GABRR3: variants seen among roughly 807,000 people sequenced by gnomAD.
GABRR3 encodes the protein gamma-aminobutyric acid receptor subunit rho-3.
Under a neutral mutation model 43.2 loss-of-function variants are expected in GABRR3, and 29 were observed. The ratio of observed to expected loss-of-function variants is 0.67; its 90% confidence interval spans 0.50 to 0.92. The LOEUF is 0.92. GABRR3 is among the 40% of genes least tolerant of loss of function. GABRR3 has a pLI of 0.00. For synonymous variants in GABRR3, 206 were observed against 195.9 expected, an observed-to-expected ratio of 1.05 and a Z score of -0.43; for missense variants, 576 against 572.3, an observed-to-expected ratio of 1.01 and a Z score of -0.07.
At chr3:98,022,420 A>C (rs1052040294) in intron 3 of GABRR3, among the ~76,000 whole-genome samples, 5 of 152,252 alleles carry the variant, frequency 3.3e-5, no homozygotes, top group Non-Finnish European at 5.9e-5. Context: ...AAGGCAAGAG[A>C]AGTGCTGAAG....
At chr3:98,032,488 G>T (rs1482952387) in intron 2 of GABRR3, among the ~76,000 whole-genome samples, 1 of 152,090 alleles carries the variant, frequency 6.6e-6, no homozygotes, top group East Asian at 1.9e-4. Context: ...TTGAAAGAAT[G>T]AATAAATATT....
At chr3:98,027,636 A>G (rs1211055088) in intron 2 of GABRR3, among the ~76,000 whole-genome samples, 1 of 152,262 alleles carries the variant, frequency 6.6e-6, no homozygotes, top group Admixed American at 6.5e-5. Context: ...TCAGGTGCAC[A>G]ATGAGATGTT....
chr3:98,015,109 T>C (rs559929489), intron 4 of GABRR3, among the ~76,000 whole-genome samples: 70 of 152,284 alleles, frequency 4.6e-4, no homozygotes, highest in African/African-American at 1.5e-3. Flanking sequence ...AATGAGTGGA[T>C]TGGATAAACA....
chr3:97,998,966 A>G (rs1277763233), intron 8 of GABRR3: 3 of 152,118 alleles, frequency 2.0e-5, no homozygotes, highest in Non-Finnish European at 4.4e-5. Context: ...AAAGCTCTCT[A>G]GTGTCCTCAT....
intron 8 of GABRR3, chr3:97,998,604 G>A (rs1706591940): frequency 6.6e-6 from 1 of 152,058 alleles, no homozygotes; most frequent in South Asian, 2.1e-4. Flanking sequence ...ACAATTATCT[G>A]GAAAGACTAT....
chr3:98,020,870 C>CTT (rs59070712), intron 3 of GABRR3, among the ~76,000 whole-genome samples: 5 of 117,436 alleles, frequency 4.3e-5, no homozygotes, highest in African/African-American at 1.7e-4. Context: ...TTTTCTTTTT[C>CTT]TTTTTTTTTT....
intron 7 of GABRR3, among the ~76,000 whole-genome samples, chr3:98,002,697 ACAT>A (rs1399076881): frequency 4.0e-5 from 6 of 151,812 alleles, no homozygotes; most frequent in African/African-American, 1.4e-4. Flanking sequence ...ACATGGAAAT[ACAT>A]CTTTTCTGAA....
intron 7 of GABRR3, among the ~76,000 whole-genome samples, chr3:98,006,572 T>G (rs1706726215): frequency 6.6e-6 from 1 of 152,188 alleles, no homozygotes; most frequent in African/African-American, 2.4e-5. Context: ...GAGTGGAGAA[T>G]CTTTGAGGAG....
intron 5 of GABRR3, among the ~76,000 whole-genome samples, chr3:98,012,009 TGGTGGGGTGCCAG>T (rs138021826): frequency 0.042 from 6,411 of 152,240 alleles, 198 homozygotes; most frequent in Middle Eastern, 0.12. Flanking sequence ...CAAAACTGCT[TGGTGGGGTGCCAG>T]GGTGGGGTGG....
Position 98,025,686 on chromosome 3 carries a change from C to G in GABRR3, c.126-7G>C, listed in dbSNP as rs764646790. 28 of 1,584,596 alleles carry G rather than the reference C, an allele frequency of 1.8e-5. No individual in the cohort carries two copies. Among genetic ancestry groups the G allele is most frequent in the Non-Finnish European group, 2.3e-5 (27 of 1,166,554 alleles). On this transcript the variant is annotated splice_region_variant and splice_polypyrimidine_tract_variant and intron_variant, in intron 2 of 9. Transcript: ENST00000621172. ...CATTCTAGTTTCTTGTTTGCTGTTCCCCCAAAGGGAAAAAAAAAACTTCTG... is the reference window on the plus strand; with the variant it reads ...CATTCTAGTTTCTTGTTTGCTGTTCGCCCAAAGGGAAAAAAAAAACTTCTG...
intron 5 of GABRR3, among the ~76,000 whole-genome samples, chr3:98,009,432 T>C (rs1706761074): frequency 6.6e-6 from 1 of 152,252 alleles, no homozygotes; most frequent in South Asian, 2.1e-4. Flanking sequence ...AGGGTTGGAA[T>C]GGTGGCAATA....
chr3:98,018,613 C>T (rs571004564), intron 3 of GABRR3, among the ~76,000 whole-genome samples: 4 of 151,928 alleles, frequency 2.6e-5, no homozygotes, highest in African/African-American at 7.3e-5. Flanking sequence ...TTTAGTTTTG[C>T]GATGGAAATT....
intron 9 of GABRR3, among the ~76,000 whole-genome samples, chr3:97,988,333 C>T (rs946087257): frequency 1.3e-5 from 2 of 152,142 alleles, no homozygotes; most frequent in Non-Finnish European, 2.9e-5. Context: ...CTGCCTTGGC[C>T]TCCGAAAGTG....
Position 97,990,784 on chromosome 3 carries a change from G to C in GABRR3, c.1104+2068C>G, listed in dbSNP as rs901099691. Among the ~76,000 whole-genome samples the C allele has an allele frequency of 3.3e-5, 5 of 152,264 alleles. No individual in the cohort carries two copies. In the East Asian group the frequency reaches 7.7e-4, roughly 24 times the overall value. On this transcript the variant is annotated intron_variant, in intron 9 of 9. Coordinates refer to ENST00000621172, the Ensembl canonical transcript of GABRR3. Reference sequence around the variant, plus strand: ...TAGAATGGTGGTTTCCAGGGCCTGGGGGGAGGGGAATATGGGAAGTTGCTG... The same window carrying C: ...TAGAATGGTGGTTTCCAGGGCCTGGCGGGAGGGGAATATGGGAAGTTGCTG...
In GABRR3 at chr3:98,034,105, A is replaced by C. The variant is rs1381018077; in HGVS notation, c.125+758T>G. 2.0e-5 allele frequency among the ~76,000 whole-genome samples: 3 copies of C among 152,202 alleles called. No homozygotes were observed. In the East Asian group the frequency reaches 5.8e-4, roughly 29 times the overall value. On this transcript the variant is annotated intron_variant, in intron 2 of 9. Coordinates refer to ENST00000621172, the Ensembl canonical transcript of GABRR3. ...AATTTCTCCTTTTGGGTCTTTTTGG[A>C]AATATGGTGCTTGGTGAAAAGAGAA... is the stretch of plus-strand genomic sequence containing the variant.
chr3:98,012,725 G>C (rs1420154445), intron 4 of GABRR3, 158 bp from the exon 5 acceptor site: 1 of 159,824 alleles, frequency 6.3e-6, no homozygotes, highest in Non-Finnish European at 1.3e-5. Context: ...TGAAGCTAAG[G>C]AGGTTATGCT....
chr3:98,006,571 A>T (rs994802075), intron 7 of GABRR3, among the ~76,000 whole-genome samples: 1 of 152,252 alleles, frequency 6.6e-6, no homozygotes, highest in South Asian at 2.1e-4. Context: ...AGAGTGGAGA[A>T]TCTTTGAGGA....
chr3:98,026,489 T>C (rs1181564106), intron 2 of GABRR3, among the ~76,000 whole-genome samples: 1 of 152,158 alleles, frequency 6.6e-6, no homozygotes, highest in Non-Finnish European at 1.5e-5. Context: ...TTCTCAGTGA[T>C]ACTGTGGGTG....
chr3:97,988,492 G>A (rs1183835454), intron 9 of GABRR3, among the ~76,000 whole-genome samples: 1 of 152,168 alleles, frequency 6.6e-6, no homozygotes, highest in East Asian at 1.9e-4. Flanking sequence ...GAGGTGGTTG[G>A]AATATGTACA....
Sources: gnomAD v4.1 joint callset for allele counts (sites outside exome capture counted in the v4.1 genomes callset) on GRCh38, gnomAD v4.1.1 for gene constraint, MANE v1.5 for transcripts, NCBI Gene and HGNC (gene_info 2026-07-23, HGNC 2026-07-21) for gene names.